HBEGF: variants seen among roughly 807,000 people sequenced by gnomAD.
HBEGF encodes heparin binding EGF like growth factor.
Under a neutral mutation model 19.5 loss-of-function variants are expected in HBEGF, and 8 were observed. The observed-to-expected ratio is 0.41, with a 90% CI of 0.24 to 0.74. The LOEUF is 0.74. Ranked by LOEUF, HBEGF falls within the 30% of genes least tolerant of loss-of-function variation. The pLI, the probability that HBEGF is intolerant of heterozygous loss-of-function variation, is 0.32. For missense variants in HBEGF, 207 were observed against 256.9 expected (o/e 0.81, Z 1.33); for synonymous variants, 97 against 108.9 (o/e 0.89, Z 0.68).
Position 140,346,128 on chromosome 5 carries a change from C to A in HBEGF, c.47-44G>T, listed in dbSNP as rs781281419. On this transcript the variant is annotated intron_variant, in intron 1 of 5. Transcript: ENST00000230990. This position sits in a 1 kb window ranked among gnomAD's most constrained non-coding sequence, Gnocchi z 6.1. ...GCCGCATCAGACACCCGCCCAGACC[C>A]CTGACCAACACGCACCGATGCCGAC... The A allele has an allele frequency of 1.9e-6, 3 of 1,593,222 alleles. No individual in the cohort carries two copies. In the East Asian group the frequency reaches 6.8e-5, roughly 36 times the overall value.
intron 5 of HBEGF, 74 bp from the exon 6 acceptor site, chr5:140,334,354 T>G: frequency 3.2e-6 from 1 of 313,856 alleles, no homozygotes; most frequent in Non-Finnish European, 5.9e-6. Flanking sequence ...GGTCCAGTCT[T>G]TTTTATTTTT....
chr5:140,334,727 A>G lies in HBEGF; in HGVS notation c.576T>C (p.Tyr192=), dbSNP rs770198745. The change falls in exon 5 of 6, where the codon TAT becomes TAC. Residue 192 remains tyrosine, a synonymous_variant. Coordinates refer to ENST00000230990, the MANE Select transcript of HBEGF (RefSeq NM_001945.3). The stretch of plus-strand genomic sequence containing the variant: ...TCACTTTCTCTTCATTTTCCACATC[A>G]TAACCTCCTCTCCTATGGTACCTGA... ...LMFRYHRRGG[Y]DVENEEKVKL... 2 of 1,613,826 alleles carry G rather than the reference A, an allele frequency of 1.2e-6. No homozygotes were observed. Among genetic ancestry groups the G allele is most frequent in the South Asian group, 2.2e-5 (2 of 91,070 alleles).
chr5:140,340,582 C>CAAAAAAAAAAAAAA (rs61489261), intron 3 of HBEGF, among the ~76,000 whole-genome samples: 8 of 59,846 alleles, frequency 1.3e-4, no homozygotes, highest in African/African-American at 3.1e-4. Flanking sequence ...GACTCTGTCT[C>CAAAAAAAAAAAAAA]AAAAAAAAAA....
At chr5:140,345,135 G>T (rs1324366270) in intron 2 of HBEGF, among the ~76,000 whole-genome samples, 1 of 152,222 alleles carries the variant, frequency 6.6e-6, no homozygotes, top group African/African-American at 2.4e-5. Flanking sequence ...TCATTCCAGG[G>T]TACAGTGCTG....
In HBEGF at chr5:140,345,953, T is replaced by C; in HGVS notation, c.178A>G (p.Lys60Glu). The change falls in exon 2 of 6, where the codon AAA (lysine) becomes GAA (glutamate). Residue 60 changes from lysine (K) to glutamate (E), a missense_variant. Physicochemically the swap from Lys to Glu is moderately conservative, Grantham distance 56. Transcript: ENST00000230990. ...LLPLGGGRDR[K>E]VRDLQEADLD... ...TCTGCCTCTTGCAAGTCACGGACTT[T>C]CCGGTCCCGGCCGCCTCCTAGGGGT... 6.2e-7 allele frequency: 1 copy of C among 1,614,188 alleles called. No homozygotes were observed. Among genetic ancestry groups the C allele is most frequent in the Non-Finnish European group, 8.5e-7 (1 of 1,180,012 alleles).
In HBEGF at chr5:140,345,833, C is replaced by A; in HGVS notation, c.220+78G>T. On this transcript the variant is annotated intron_variant, in intron 2 of 5. Coordinates refer to ENST00000230990, the MANE Select transcript of HBEGF (RefSeq NM_001945.3). ...GAATACCCTCAACCCACAGTATTGCCCAAACAGCAAGAATCTTGGATCTGC... is the reference window on the plus strand; with the variant it reads ...GAATACCCTCAACCCACAGTATTGCACAAACAGCAAGAATCTTGGATCTGC... 1.9e-6 allele frequency: 3 copies of A among 1,572,508 alleles called. No individual in the cohort carries two copies. In the East Asian group the frequency reaches 6.7e-5, roughly 35 times the overall value.
intron 2 of HBEGF, among the ~76,000 whole-genome samples, chr5:140,344,061 C>A (rs1284745332): frequency 6.6e-6 from 1 of 151,994 alleles, no homozygotes; most frequent in African/African-American, 2.4e-5. Context: ...TCACTTGAAC[C>A]TGGGAGGCAG....
At chr5:140,336,595 T>G (rs1766230840) in intron 3 of HBEGF, among the ~76,000 whole-genome samples, 1 of 152,214 alleles carries the variant, frequency 6.6e-6, no homozygotes, top group Non-Finnish European at 1.5e-5. Context: ...TTTCCTTCAT[T>G]TAACTCCAGC....
In HBEGF at chr5:140,346,004, G is replaced by A. The variant is rs139432818; in HGVS notation, c.127C>T (p.Pro43Ser). The change falls in exon 2 of 6, where the codon CCC (proline) becomes TCC (serine). Residue 43 changes from proline to serine, a missense_variant. Transcript: ENST00000230990. The surrounding 1 kb of genome is among the most constrained non-coding windows in gnomAD (Gnocchi z 6.1). The stretch of plus-strand genomic sequence containing the variant: ...AGCAGCTGGTCCGTGGATACAGTGG[G>A]AGGGTCCGGGTTGCTGGTTCCAGCA... ...LAAGTSNPDP[P>S]TVSTDQLLPL... 5,272 of 1,614,152 alleles carry A rather than the reference G, an allele frequency of 3.3e-3. 18 individuals are homozygous for A. The highest frequency in any genetic ancestry group is 4.8e-3 in the South Asian group (440 of 91,086).
rs373554879 is a variant in HBEGF at position 140,346,012 on chromosome 5, G to A, written c.119C>T (p.Pro40Leu). ...RRGLAAGTSN[P>L]DPPTVSTDQL... ...GTCCGTGGATACAGTGGGAGGGTCC[G>A]GGTTGCTGGTTCCAGCAGCTAGCCC... is the stretch of plus-strand genomic sequence containing the variant. Residue 40 changes from proline (P) to leucine (L), a missense_variant, in exon 2 of 6, where the codon CCG becomes CTG. By Grantham distance (98) the Pro-to-Leu change is moderately conservative (BLOSUM62 -3). Transcript: ENST00000230990. The surrounding 1 kb of genome is among the most constrained non-coding windows in gnomAD (Gnocchi z 6.1). 47 of 1,613,988 alleles carry A rather than the reference G, an allele frequency of 2.9e-5. No individual in the cohort carries two copies. The highest frequency in any genetic ancestry group is 3.6e-5 in the Non-Finnish European group (42 of 1,179,984).
intron 2 of HBEGF, among the ~76,000 whole-genome samples, chr5:140,343,248 T>A (rs141341856): frequency 2.8e-3 from 426 of 152,170 alleles, no homozygotes; most frequent in African/African-American, 9.5e-3. Flanking sequence ...AGAAAGACAG[T>A]GTCACACACA....
chr5:140,340,434 T>A (rs1766290164), intron 3 of HBEGF, among the ~76,000 whole-genome samples: 1 of 151,798 alleles, frequency 6.6e-6, no homozygotes, highest in South Asian at 2.1e-4. Context: ...ATAAAAATTA[T>A]TAATTCGGCA....
At position 140,342,705 on chromosome 5, in the gene HBEGF, G is replaced by C. The variant is rs746100583; in HGVS notation, c.328C>G (p.Arg110Gly). Reference protein sequence around the residue: ...GLGKKRDPCLRKYKDFCIHGE... With the variant: ...GLGKKRDPCLGKYKDFCIHGE... The stretch of plus-strand genomic sequence containing the variant: ...TGGATGCAGAAGTCCTTGTATTTCC[G>C]AAGACATGGGTCCCTCTTCTTCCCT... The change falls in exon 3 of 6, where the codon CGG becomes GGG. Residue 110 changes from arginine to glycine, a missense_variant. By Grantham distance (125) the Arg-to-Gly change is moderately radical. Transcript: ENST00000230990. 2 of 1,614,156 alleles carry C rather than the reference G, an allele frequency of 1.2e-6. No individual in the cohort carries two copies. Among genetic ancestry groups the C allele is most frequent in the Admixed American group, 1.7e-5 (1 of 60,026 alleles).
In HBEGF at chr5:140,336,037, G is replaced by A. The variant is rs550705450; in HGVS notation, c.399-10C>T. Reference sequence around the variant, plus strand: ...GTAACCCGGGTGGCAGCTAGTTCAAGACAGAACAAGAAGGAGATGGAGTTA... The same window carrying A: ...GTAACCCGGGTGGCAGCTAGTTCAAAACAGAACAAGAAGGAGATGGAGTTA... On this transcript the variant is annotated splice_polypyrimidine_tract_variant and intron_variant, in intron 3 of 5. Transcript: ENST00000230990. 5 of 1,612,934 alleles carry A rather than the reference G, an allele frequency of 3.1e-6. No homozygotes were observed. The African/African-American group carries it at 5.3e-5, about 17-fold the overall frequency.
chr5:140,337,740 G>A (rs372598774), intron 3 of HBEGF, among the ~76,000 whole-genome samples: 170 of 152,166 alleles, frequency 1.1e-3, no homozygotes, highest in African/African-American at 3.8e-3. Flanking sequence ...CCCACTATAC[G>A]TATAGCACAG....
Position 140,335,961 on chromosome 5 carries a change from A to G in HBEGF, c.465T>C (p.Tyr155=). 6.2e-7 allele frequency: 1 copy of G among 1,614,158 alleles called. No individual in the cohort carries two copies. The highest frequency in any genetic ancestry group is 1.1e-5 in the South Asian group (1 of 91,082). ...GLSLPVENRL[Y]TYDHTTILAV... ...CCAGGATGGTTGTGTGGTCATAGGT[A>G]TATAAGCGATTTTCCACTGGGAGGC... Residue 155 remains tyrosine, a synonymous_variant, in exon 4 of 6, where the codon TAT becomes TAC. Coordinates refer to ENST00000230990, the MANE Select transcript of HBEGF (RefSeq NM_001945.3).
chr5:140,341,477 C>A (rs1357213808), intron 3 of HBEGF, among the ~76,000 whole-genome samples: 1 of 152,210 alleles, frequency 6.6e-6, no homozygotes, highest in Admixed American at 6.5e-5. Flanking sequence ...TAATACCAAG[C>A]TCCTGACAAG....
chr5:140,342,602 G>A, intron 3 of HBEGF, 33 bp downstream of exon 3: 1 of 1,603,472 alleles, frequency 6.2e-7, no homozygotes, highest in Non-Finnish European at 8.5e-7. Context: ...AAAGTGTGCT[G>A]ATGAGATTCA....
chr5:140,341,634 C>A (rs1045864039), intron 3 of HBEGF, among the ~76,000 whole-genome samples: 1 of 152,228 alleles, frequency 6.6e-6, no homozygotes, highest in African/African-American at 2.4e-5. Flanking sequence ...CTGCACCAAT[C>A]ACCAGTAGAA....
Sources: allele counts gnomAD v4.1 joint callset (sites outside exome capture counted in the v4.1 genomes callset), GRCh38; gene constraint gnomAD v4.1.1; non-coding constraint Gnocchi (gnomAD v3.1); transcripts MANE v1.5; gene names NCBI Gene and HGNC (gene_info 2026-07-23, HGNC 2026-07-21).